The following RAB28 variants were observed in gnomAD, a reference collection of about 807,000 sequenced individuals.
The protein encoded by RAB28 is ras-related protein Rab-28.
Under a neutral mutation model 31.7 loss-of-function variants are expected in RAB28, and 24 were observed. The observed-to-expected ratio is 0.76, with a 90% CI of 0.55 to 1.06. The LOEUF (loss-of-function observed/expected upper bound fraction) is 1.06, where lower values mean the gene tolerates loss of function less well. Among genes scored for constraint, RAB28 ranks in the 50% least tolerant of loss-of-function variants. The pLI is 0.00. For synonymous variants in RAB28, 100 were observed against 90.4 expected (o/e 1.11, Z -0.60); for missense variants, 254 against 258.5 (o/e 0.98, Z 0.12).
At chr4:13,376,182 A>G (rs1293996584) in intron 6 of RAB28, among the ~76,000 whole-genome samples, 2 of 152,124 alleles carry the variant, frequency 1.3e-5, no homozygotes, top group Non-Finnish European at 1.5e-5. Context: ...TCAAAAACTA[A>G]TATCACTACA....
chr4:13,407,856 C>T (rs1689405499), intron 4 of RAB28, among the ~76,000 whole-genome samples: 1 of 152,162 alleles, frequency 6.6e-6, no homozygotes, highest in Non-Finnish European at 1.5e-5. Flanking sequence ...AATTTTTGCA[C>T]ATTGATTTTG....
chr4:13,417,110 A>G (rs1475429940), intron 4 of RAB28, among the ~76,000 whole-genome samples: 3 of 152,330 alleles, frequency 2.0e-5, no homozygotes, highest in Non-Finnish European at 4.4e-5. Flanking sequence ...GGCAGGTCCC[A>G]TGCCTATAGA....
At chr4:13,439,481 G>C (rs1351319534) in intron 4 of RAB28, among the ~76,000 whole-genome samples, 1 of 150,804 alleles carries the variant, frequency 6.6e-6, no homozygotes, top group African/African-American at 2.5e-5. Flanking sequence ...CAGCCTCATG[G>C]GTAGCTGGGA....
At chr4:13,441,049 G>A (rs564917222) in intron 4 of RAB28, among the ~76,000 whole-genome samples, 2 of 151,834 alleles carry the variant, frequency 1.3e-5, no homozygotes, top group East Asian at 3.9e-4. Context: ...AAAAATCCTT[G>A]ATTTTTTCCC....
chr4:13,417,441 G>C (rs538220185), intron 4 of RAB28, among the ~76,000 whole-genome samples: 1 of 152,214 alleles, frequency 6.6e-6, no homozygotes, highest in Non-Finnish European at 1.5e-5. Context: ...GCCTCCTCAA[G>C]TGGGTCCCTG....
chr4:13,387,172 A>C (rs1560271545), intron 4 of RAB28, among the ~76,000 whole-genome samples: 1 of 152,014 alleles, frequency 6.6e-6, no homozygotes, highest in Non-Finnish European at 1.5e-5. Context: ...GTGATGAAAA[A>C]ATCTGTACAA....
chr4:13,410,704 A>T (rs1178740588), intron 4 of RAB28, among the ~76,000 whole-genome samples: 1 of 152,100 alleles, frequency 6.6e-6, no homozygotes, highest in East Asian at 1.9e-4. Context: ...CAAAAGAAAA[A>T]ACTGTGTGTG....
intron 3 of RAB28, 84 bp downstream of exon 3, chr4:13,474,234 G>A (rs1327311827): frequency 5.8e-6 from 5 of 867,886 alleles, no homozygotes; most frequent in East Asian, 2.4e-5. Context: ...GAATGTGTGT[G>A]TGTGTGCATT....
chr4:13,427,088 G>T (rs1020092909), intron 4 of RAB28, among the ~76,000 whole-genome samples: 1 of 152,066 alleles, frequency 6.6e-6, no homozygotes, highest in Non-Finnish European at 1.5e-5. Context: ...CCATAGACCT[G>T]ATATTTTAAA....
intron 4 of RAB28, among the ~76,000 whole-genome samples, chr4:13,382,518 G>A (rs1489938591): frequency 1.3e-5 from 2 of 151,558 alleles, no homozygotes; most frequent in African/African-American, 4.9e-5. Flanking sequence ...CTACATAATA[G>A]TGCCAATTGA....
At chr4:13,443,634 C>A (rs1315599593) in intron 4 of RAB28, among the ~76,000 whole-genome samples, 1 of 152,124 alleles carries the variant, frequency 6.6e-6, no homozygotes, top group Non-Finnish European at 1.5e-5. Flanking sequence ...ACAATTAAAT[C>A]AACCTAATTA....
At chr4:13,473,857 C>T (rs1451604010) in intron 3 of RAB28, 1 of 367,948 alleles carries the variant, frequency 2.7e-6, no homozygotes, top group East Asian at 8.0e-5. Flanking sequence ...ATAGAAAATA[C>T]AGACATGTCT....
At chr4:13,483,497 GTGTATTTTCACATTTAATA>G (rs1230675549) in intron 1 of RAB28, among the ~76,000 whole-genome samples, 7 of 152,332 alleles carry the variant, frequency 4.6e-5, no homozygotes, top group African/African-American at 1.2e-4. Context: ...AAGGTTTTAT[GTGTATTTTCACATTTAATA>G]TGTATTTTCA....
intron 6 of RAB28, among the ~76,000 whole-genome samples, chr4:13,375,644 A>G (rs1372273191): frequency 6.6e-6 from 1 of 152,186 alleles, no homozygotes; most frequent in Non-Finnish European, 1.5e-5. Flanking sequence ...AAGTGCTAAA[A>G]CAAATGTCTT....
chr4:13,376,443 A>T, intron 6 of RAB28, 102 bp downstream of exon 6: 2 of 703,442 alleles, frequency 2.8e-6, no homozygotes, highest in South Asian at 4.2e-5. Flanking sequence ...GCTTTTAGAG[A>T]TACGTACACA....
intron 4 of RAB28, among the ~76,000 whole-genome samples, chr4:13,439,726 G>A (rs1418539404): frequency 6.6e-6 from 1 of 152,024 alleles, no homozygotes; most frequent in Non-Finnish European, 1.5e-5. Flanking sequence ...TCCATTTTTT[G>A]TTGTTGTTAT....
At chr4:13,382,930 C>T (rs1729196668) in intron 4 of RAB28, among the ~76,000 whole-genome samples, 1 of 152,028 alleles carries the variant, frequency 6.6e-6, no homozygotes, top group Admixed American at 6.6e-5. Context: ...GAATTCCTGA[C>T]CTCAAATGAT....
At chr4:13,405,817 T>C (rs1033846638) in intron 4 of RAB28, among the ~76,000 whole-genome samples, 3 of 152,190 alleles carry the variant, frequency 2.0e-5, no homozygotes, top group African/African-American at 7.2e-5. Flanking sequence ...CAGCCAATTC[T>C]CTCACTTTCT....
chr4:13,417,303 T>C (rs1456539285), intron 4 of RAB28, among the ~76,000 whole-genome samples: 22 of 152,292 alleles, frequency 1.4e-4, no homozygotes, highest in Admixed American at 1.4e-3. Flanking sequence ...ACCCCACCTC[T>C]GGGAACAGGG....
Sources: allele counts gnomAD v4.1 joint callset (sites outside exome capture counted in the v4.1 genomes callset), GRCh38; gene constraint gnomAD v4.1.1; transcripts MANE v1.5; gene names NCBI Gene and HGNC (gene_info 2026-07-23, HGNC 2026-07-21).